The following CCDC6 variants were observed in gnomAD, a reference collection of about 807,000 sequenced individuals.
The protein encoded by CCDC6 is coiled-coil domain containing 6.
CCDC6 carries 20 observed loss-of-function variants against 56.6 expected under a neutral mutation model. That is an observed-to-expected ratio of 0.35 (90% CI 0.25 to 0.51). CCDC6 has a LOEUF of 0.51. CCDC6 is among the 20% of genes least tolerant of loss of function. CCDC6 has a pLI of 0.95. For synonymous variants in CCDC6, 241 were observed against 234.4 expected (o/e 1.03, Z -0.26); for missense variants, 367 against 601.1 (o/e 0.61, Z 4.07).
rs558340369 is a variant in CCDC6 at position 59,792,178 on chromosome 10, G to C, written c.*739C>G. On this transcript the variant is annotated 3_prime_UTR_variant, in exon 9 of 9. Coordinates refer to ENST00000263102, the MANE Select transcript of CCDC6 (RefSeq NM_005436.5). ...AACATTTATCGACTCATGTTAGAGGGGGCCAGGTTAAGTAGATTAACATTA... is the reference window on the plus strand; with the variant it reads ...AACATTTATCGACTCATGTTAGAGGCGGCCAGGTTAAGTAGATTAACATTA... 1 of 242,704 alleles carries C rather than the reference G, an allele frequency of 4.1e-6. No individual in the cohort carries two copies. Among genetic ancestry groups the C allele is most frequent in the Non-Finnish European group, 8.1e-6 (1 of 122,974 alleles). 15.0% of individuals were successfully genotyped at this position (242,704 alleles called of 1,614,324 possible).
chr10:59,860,266 G>A (rs185624976), intron 1 of CCDC6, among the ~76,000 whole-genome samples: 11 of 152,212 alleles, frequency 7.2e-5, no homozygotes, highest in Admixed American at 2.0e-4. Flanking sequence ...ATGCCCCCGA[G>A]GAAAGGCTGG....
intron 1 of CCDC6, among the ~76,000 whole-genome samples, chr10:59,905,247 G>C (rs1223614604): frequency 3.9e-5 from 6 of 152,148 alleles, no homozygotes; most frequent in Admixed American, 3.3e-4. Context: ...CACCAGGAGA[G>C]AGACCTACAG....
intron 1 of CCDC6, among the ~76,000 whole-genome samples, chr10:59,853,636 T>C (rs1362094006): frequency 6.6e-6 from 1 of 152,000 alleles, no homozygotes; most frequent in African/African-American, 2.4e-5. Context: ...TTGCACCAAA[T>C]GGCTGGAAAC....
At chr10:59,814,501 G>A in intron 4 of CCDC6, 151 bp downstream of exon 4, 1 of 577,138 alleles carries the variant, frequency 1.7e-6, no homozygotes, top group African/African-American at 1.9e-5. Flanking sequence ...AGTTCAGAAG[G>A]CTTTCAACAT....
intron 2 of CCDC6, among the ~76,000 whole-genome samples, chr10:59,844,933 A>G (rs1313894431): frequency 6.6e-6 from 1 of 152,176 alleles, no homozygotes; most frequent in East Asian, 1.9e-4. Flanking sequence ...TACCAAGTTT[A>G]TGAGTGGAGG....
intron 1 of CCDC6, among the ~76,000 whole-genome samples, chr10:59,884,348 T>C (rs1278915774): frequency 2.0e-5 from 3 of 152,190 alleles, no homozygotes; most frequent in Non-Finnish European, 1.5e-5. Flanking sequence ...AAAAGATGAC[T>C]TACTGCTGCC....
chr10:59,819,725 T>C lies in CCDC6; in HGVS notation c.583-4970A>G, dbSNP rs1482461062. ...AATAATCTCTCTTCCACATCCTTCC[T>C]AGTATCATCTGATCACTTTTTTAAA... On this transcript the variant is annotated intron_variant, in intron 3 of 8. Transcript: ENST00000263102. 2.6e-5 allele frequency among the ~76,000 whole-genome samples: 4 copies of C among 152,156 alleles called. No individual in the cohort carries two copies. In the East Asian group the frequency reaches 7.7e-4, roughly 29 times the overall value.
At chr10:59,884,935 A>G (rs3099368) in intron 1 of CCDC6, among the ~76,000 whole-genome samples, 104,092 of 151,754 alleles carry the variant, frequency 0.69, 35,900 homozygotes, top group East Asian at 0.86. Context: ...ATGGTGACAC[A>G]CGCCTGTAGT....
At chr10:59,848,424 A>G (rs1404526178) in intron 2 of CCDC6, among the ~76,000 whole-genome samples, 3 of 152,094 alleles carry the variant, frequency 2.0e-5, no homozygotes, top group African/African-American at 7.2e-5. Flanking sequence ...CACACCTATA[A>G]TCCCAGCACT....
intron 3 of CCDC6, among the ~76,000 whole-genome samples, chr10:59,815,674 T>C (rs2070705539): frequency 6.6e-6 from 1 of 152,234 alleles, no homozygotes; most frequent in South Asian, 2.1e-4. Context: ...GTACTTGACA[T>C]ATTAAATAAT....
chr10:59,865,163 G>A (rs1241538287), intron 1 of CCDC6, among the ~76,000 whole-genome samples: 2 of 152,168 alleles, frequency 1.3e-5, no homozygotes, highest in African/African-American at 4.8e-5. Flanking sequence ...TGACACCCGA[G>A]GTTTCCAACC....
At chr10:59,888,732 G>A (rs2071400783) in intron 1 of CCDC6, among the ~76,000 whole-genome samples, 1 of 152,144 alleles carries the variant, frequency 6.6e-6, no homozygotes, top group South Asian at 2.1e-4. Context: ...TATCAGAGAG[G>A]CAAACTGAAC....
Position 59,792,086 on chromosome 10 carries a change from C to T in CCDC6, c.*831G>A, listed in dbSNP as rs1034673847. The T allele has an allele frequency of 3.1e-5, 7 of 229,386 alleles. No individual in the cohort carries two copies. 14.2% of individuals were successfully genotyped at this position (229,386 alleles called of 1,614,324 possible). A position where few individuals can be genotyped will look rare whatever the true frequency, so the allele number is the denominator to read the frequency against. ...CCGCATTGTTTTTGTTACAATCACA[C>T]TGCCTTCTGCAGCAGAAATCAAATA... On this transcript the variant is annotated 3_prime_UTR_variant, in exon 9 of 9. Transcript: ENST00000263102.
chr10:59,804,651 T>A, intron 6 of CCDC6, 131 bp from the exon 7 acceptor site: 1 of 639,462 alleles, frequency 1.6e-6, no homozygotes, highest in Non-Finnish European at 2.8e-6. Context: ...ATGTTATAGT[T>A]AAAAGGCATT....
chr10:59,827,212 T>A (rs1025907200), intron 3 of CCDC6, among the ~76,000 whole-genome samples: 8 of 152,204 alleles, frequency 5.3e-5, no homozygotes, highest in African/African-American at 1.9e-4. Context: ...TTTTTCAAAC[T>A]GAAGGTCAAG....
chr10:59,886,865 C>A (rs1051935122), intron 1 of CCDC6, among the ~76,000 whole-genome samples: 6 of 152,158 alleles, frequency 3.9e-5, no homozygotes, highest in African/African-American at 7.2e-5. Flanking sequence ...ATACAAATGG[C>A]TCTTATAAAC....
At position 59,829,854 on chromosome 10, in the gene CCDC6, A is replaced by G. The variant is rs532810502; in HGVS notation, c.582+2671T>C. On this transcript the variant is annotated intron_variant, in intron 3 of 8. Coordinates refer to ENST00000263102, the MANE Select transcript of CCDC6 (RefSeq NM_005436.5). ...TGGTTGCACAACTCCGAATACACTG[A>G]AAACCACTGGGTTGTACCTTTTAAG... Among the ~76,000 whole-genome samples, 4 of 152,356 alleles carry G rather than the reference A, an allele frequency of 2.6e-5. No homozygotes were observed. In the East Asian group the frequency reaches 7.7e-4, roughly 29 times the overall value.
chr10:59,873,926 T>C (rs2071254283), intron 1 of CCDC6, among the ~76,000 whole-genome samples: 2 of 152,206 alleles, frequency 1.3e-5, no homozygotes, highest in South Asian at 2.1e-4. Flanking sequence ...TGAGAATGAA[T>C]GTTCCCCATT....
intron 2 of CCDC6, among the ~76,000 whole-genome samples, chr10:59,849,344 T>C (rs1322763038): frequency 6.6e-6 from 1 of 152,212 alleles, no homozygotes; most frequent in Non-Finnish European, 1.5e-5. Flanking sequence ...TGTGTTTTCC[T>C]GTTGGTGAGG....
Sources: allele counts gnomAD v4.1 joint callset (sites outside exome capture counted in the v4.1 genomes callset), GRCh38; gene constraint gnomAD v4.1.1; transcripts MANE v1.5; gene names NCBI Gene and HGNC (gene_info 2026-07-23, HGNC 2026-07-21).